HHAT: variants seen among roughly 807,000 people sequenced by gnomAD.
The protein encoded by HHAT is protein-cysteine N-palmitoyltransferase HHAT.
Under a neutral mutation model 70.8 loss-of-function variants are expected in HHAT, and 47 were observed. The ratio of observed to expected loss-of-function variants is 0.66; its 90% CI spans 0.53 to 0.85. HHAT has a LOEUF of 0.85. HHAT is among the 40% of genes least tolerant of loss of function. The pLI is 0.00. For synonymous variants in HHAT, 228 were observed against 247.6 expected (o/e 0.92, Z 0.74); for missense variants, 609 against 604.8 (o/e 1.01, Z -0.07).
At chr1:210,626,298 T>G (rs889644465) in intron 11 of HHAT, among the ~76,000 whole-genome samples, 1 of 152,230 alleles carries the variant, frequency 6.6e-6, no homozygotes, top group East Asian at 1.9e-4. Flanking sequence ...AAACCCGGTC[T>G]GCTGCTGCCT....
chr1:210,411,639 C>T (rs2092558787), intron 6 of HHAT, among the ~76,000 whole-genome samples: 1 of 152,114 alleles, frequency 6.6e-6, no homozygotes, highest in Non-Finnish European at 1.5e-5. Flanking sequence ...CCTGTAGTCC[C>T]AGCTGCAGGG....
At chr1:210,345,939 C>G (rs1202316173) in intron 1 of HHAT, among the ~76,000 whole-genome samples, 2 of 152,020 alleles carry the variant, frequency 1.3e-5, no homozygotes, top group South Asian at 2.1e-4. Flanking sequence ...TGGTGCATGC[C>G]TGTAATCCCA....
chr1:210,343,358 G>A (rs1269714656), intron 1 of HHAT, among the ~76,000 whole-genome samples: 2 of 152,186 alleles, frequency 1.3e-5, no homozygotes, highest in Non-Finnish European at 2.9e-5. Flanking sequence ...TTACTTTTAA[G>A]TTTTCATTTC....
chr1:210,491,806 A>C (rs527955820), intron 8 of HHAT, among the ~76,000 whole-genome samples: 1 of 152,132 alleles, frequency 6.6e-6, no homozygotes, highest in African/African-American at 2.4e-5. Flanking sequence ...TCTGTCGTCC[A>C]GGGTGGAGTG....
intron 3 of HHAT, among the ~76,000 whole-genome samples, chr1:210,372,985 T>C (rs2089710325): frequency 6.6e-6 from 1 of 152,204 alleles, no homozygotes; most frequent in South Asian, 2.1e-4. Context: ...ACATTCCTTA[T>C]GCTAGTAAAC....
intron 7 of HHAT, among the ~76,000 whole-genome samples, chr1:210,431,956 CAATT>C (rs1223881421): frequency 1.3e-5 from 2 of 151,820 alleles, no homozygotes; most frequent in Non-Finnish European, 2.9e-5. Flanking sequence ...ACTCTTAAAA[CAATT>C]AATTTGAGGC....
At chr1:210,338,048 A>G (rs978169203) in intron 1 of HHAT, among the ~76,000 whole-genome samples, 2 of 152,194 alleles carry the variant, frequency 1.3e-5, no homozygotes, top group Non-Finnish European at 2.9e-5. Context: ...GAGTCAACTG[A>G]CAGGCAGAGG....
intron 1 of HHAT, among the ~76,000 whole-genome samples, chr1:210,330,863 G>A (rs937994433): frequency 4.6e-5 from 7 of 152,212 alleles, no homozygotes; most frequent in African/African-American, 1.7e-4. Context: ...GGGTCACCCA[G>A]GCTGGAGTGC....
At chr1:210,484,682 G>A (rs2094448439) in intron 8 of HHAT, among the ~76,000 whole-genome samples, 1 of 152,074 alleles carries the variant, frequency 6.6e-6, no homozygotes, top group Non-Finnish European at 1.5e-5. Flanking sequence ...AGTGGCACTA[G>A]GCATTCTTTT....
intron 6 of HHAT, among the ~76,000 whole-genome samples, chr1:210,417,702 C>T (rs931620194): frequency 1.3e-5 from 2 of 152,180 alleles, no homozygotes; most frequent in Non-Finnish European, 2.9e-5. Context: ...TTTTCTCTTT[C>T]TCTTCTACCA....
intron 9 of HHAT, among the ~76,000 whole-genome samples, chr1:210,538,942 TG>T (rs1437157360): frequency 6.6e-6 from 1 of 151,960 alleles, no homozygotes; most frequent in African/African-American, 2.4e-5. Context: ...CCGAGTGAGG[TG>T]GTGGACTTCT....
intron 9 of HHAT, among the ~76,000 whole-genome samples, chr1:210,515,028 C>G (rs1451888531): frequency 6.6e-6 from 1 of 152,156 alleles, no homozygotes; most frequent in Non-Finnish European, 1.5e-5. Context: ...GGCAGGAGGC[C>G]CTTTTGGGCA....
rs4366378 is a variant in HHAT, at chr1:210,674,398, A to G, written c.*19A>G. ...GGACTAATGCTGTTGGGCCCAGGCCAGTCCTTGTTGCTGGCCTCCAAGGCA... is the reference window on the plus strand; with the variant it reads ...GGACTAATGCTGTTGGGCCCAGGCCGGTCCTTGTTGCTGGCCTCCAAGGCA... On this transcript the variant is annotated 3_prime_UTR_variant, in exon 12 of 12. Coordinates refer to ENST00000261458, the MANE Select transcript of HHAT (RefSeq NM_018194.6). 1.2e-6 allele frequency: 2 copies of G among 1,603,844 alleles called. No homozygotes were observed. Among genetic ancestry groups the G allele is most frequent in the African/African-American group, 1.3e-5 (1 of 74,742 alleles).
chr1:210,476,790 T>G (rs2094312794), intron 8 of HHAT, among the ~76,000 whole-genome samples: 1 of 146,598 alleles, frequency 6.8e-6, no homozygotes, highest in Admixed American at 6.9e-5. Context: ...CATCAGTTTC[T>G]CCTGGGAGCT....
chr1:210,534,036 A>G (rs993398073), intron 9 of HHAT, among the ~76,000 whole-genome samples: 3 of 152,124 alleles, frequency 2.0e-5, no homozygotes, highest in Non-Finnish European at 4.4e-5. Flanking sequence ...GGAAATGAGG[A>G]GTCTCAGGCT....
chr1:210,651,315 G>A (rs1040340112), intron 11 of HHAT, among the ~76,000 whole-genome samples: 3 of 152,154 alleles, frequency 2.0e-5, no homozygotes, highest in African/African-American at 7.2e-5. Context: ...ACTATACTAG[G>A]TATTTAAGCA....
At chr1:210,411,124 G>T (rs1352988732) in intron 6 of HHAT, among the ~76,000 whole-genome samples, 1 of 152,186 alleles carries the variant, frequency 6.6e-6, no homozygotes, top group Non-Finnish European at 1.5e-5. Context: ...AAACGTGATT[G>T]CCTGGAGCTG....
At chr1:210,444,917 G>T (rs991466510) in intron 7 of HHAT, among the ~76,000 whole-genome samples, 3 of 152,156 alleles carry the variant, frequency 2.0e-5, no homozygotes, top group Non-Finnish European at 4.4e-5. Flanking sequence ...TCGGCTCACT[G>T]CAACCTCCGT....
chr1:210,525,816 T>C (rs2095237159), intron 9 of HHAT, among the ~76,000 whole-genome samples: 1 of 152,186 alleles, frequency 6.6e-6, no homozygotes. Flanking sequence ...GTTTTAAATG[T>C]AAAAAGCTCT....
Sources: gnomAD v4.1 joint callset for allele counts (sites outside exome capture counted in the v4.1 genomes callset) on GRCh38, gnomAD v4.1.1 for gene constraint, MANE v1.5 for transcripts, NCBI Gene and HGNC (gene_info 2026-07-23, HGNC 2026-07-21) for gene names.